The following GNAZ variants were observed in gnomAD, a reference collection of about 807,000 sequenced individuals.
The protein encoded by GNAZ is guanine nucleotide-binding protein G(z) subunit alpha.
In GNAZ, 3 loss-of-function variants were observed where a neutral mutation model predicts 25.4. That is an observed-to-expected ratio of 0.12 (90% CI 0.05 to 0.30). The LOEUF is 0.30. Among genes scored for constraint, GNAZ ranks in the 10% least tolerant of loss-of-function variants. The pLI is 1.00. For missense variants in GNAZ, 241 were observed against 501.8 expected (o/e 0.48, Z 4.97); for synonymous variants, 211 against 205.7 (o/e 1.03, Z -0.22).
chr22:23,100,887 T>A (rs2069283256), intron 2 of GNAZ, among the ~76,000 whole-genome samples: 3 of 152,172 alleles, frequency 2.0e-5, no homozygotes, highest in Admixed American at 2.0e-4. Context: ...CCCAAGGCCG[T>A]CCTGTGAACA....
intron 2 of GNAZ, among the ~76,000 whole-genome samples, chr22:23,109,494 G>T (rs915367037): frequency 1.1e-4 from 16 of 152,184 alleles, no homozygotes; most frequent in Admixed American, 7.2e-4. Flanking sequence ...CCAAGTGAGG[G>T]TCTCAAGACC....
intron 1 of GNAZ, among the ~76,000 whole-genome samples, chr22:23,081,553 G>A (rs2068678365): frequency 6.6e-6 from 1 of 151,512 alleles, no homozygotes; most frequent in Non-Finnish European, 1.5e-5. Context: ...AGGCCAATCA[G>A]GTTCATGCCT....
At chr22:23,078,661 C>G (rs1197222455) in intron 1 of GNAZ, among the ~76,000 whole-genome samples, 1 of 152,258 alleles carries the variant, frequency 6.6e-6, no homozygotes, top group Non-Finnish European at 1.5e-5. Context: ...GCTGCAGCCC[C>G]AGGCTCTGGG....
intron 2 of GNAZ, among the ~76,000 whole-genome samples, chr22:23,098,578 G>A (rs1435964824): frequency 1.3e-5 from 2 of 152,218 alleles, no homozygotes; most frequent in Non-Finnish European, 2.9e-5. Flanking sequence ...CAGCCAGGCT[G>A]GCACACCCAC....
At position 23,071,127 on chromosome 22, in the gene GNAZ, G is replaced by A. The variant is rs769160579; in HGVS notation, c.-450+557G>A. Among the ~76,000 whole-genome samples the A allele has an allele frequency of 5.3e-5, 8 of 152,224 alleles. No individual in the cohort carries two copies. Among genetic ancestry groups the A allele is most frequent in the Non-Finnish European group, 1.2e-4 (8 of 68,026 alleles). On this transcript the variant is annotated intron_variant, in intron 1 of 2. Coordinates refer to ENST00000615612, the MANE Select transcript of GNAZ (RefSeq NM_002073.4). The surrounding 1 kb of genome is among the most constrained non-coding windows in gnomAD (Gnocchi z 4.1). ...TCTTGCAGCGAGCAGGTTCCTCACA[G>A]GCATTTAGAGGAAGAGATGAGTATC...
At chr22:23,082,154 A>G (rs1364001198) in intron 1 of GNAZ, among the ~76,000 whole-genome samples, 1 of 151,068 alleles carries the variant, frequency 6.6e-6, no homozygotes, top group Non-Finnish European at 1.5e-5. Context: ...AAAACACCCC[A>G]GAAATATATG....
intron 2 of GNAZ, among the ~76,000 whole-genome samples, chr22:23,117,869 T>C (rs2069896464): frequency 6.6e-6 from 1 of 151,896 alleles, no homozygotes; most frequent in African/African-American, 2.4e-5. Context: ...GAATCAGGAG[T>C]GAGAGGCCTC....
intron 2 of GNAZ, among the ~76,000 whole-genome samples, chr22:23,119,552 A>G (rs1268189043): frequency 6.6e-6 from 1 of 152,234 alleles, no homozygotes; most frequent in African/African-American, 2.4e-5. Flanking sequence ...ACACTGTCCC[A>G]TGCTGGGCCC....
intron 1 of GNAZ, among the ~76,000 whole-genome samples, chr22:23,072,932 G>T (rs2068415461): frequency 6.6e-6 from 1 of 152,252 alleles, no homozygotes; most frequent in Non-Finnish European, 1.5e-5. Context: ...GGAATTTGCA[G>T]GTAACTGGAT....
Position 23,119,450 on chromosome 22 carries a change from C to G in GNAZ, c.724-3637C>G, listed in dbSNP as rs568829032. ...CCTCCCGCTCTGTCTTGTCCCCCAT[C>G]TCTGAGAGCTGCAGGCCTCTGGTCT... On this transcript the variant is annotated intron_variant, in intron 2 of 2. Transcript: ENST00000615612. Among the ~76,000 whole-genome samples, 4 of 152,368 alleles carry G rather than the reference C, an allele frequency of 2.6e-5. No individual in the cohort carries two copies. The South Asian group carries it at 6.2e-4, about 24-fold the overall frequency.
chr22:23,113,680 C>T (rs897943497), intron 2 of GNAZ, among the ~76,000 whole-genome samples: 2 of 152,246 alleles, frequency 1.3e-5, no homozygotes, highest in African/African-American at 4.8e-5. Context: ...ACTCGGTACA[C>T]CTGCCAGGAC....
chr22:23,072,080 C>T (rs953357578), intron 1 of GNAZ, among the ~76,000 whole-genome samples: 1 of 152,066 alleles, frequency 6.6e-6, no homozygotes, highest in African/African-American at 2.4e-5. Context: ...GAAGAGCTAG[C>T]TTTAAAGACT....
At chr22:23,098,353 A>G (rs2069185059) in intron 2 of GNAZ, among the ~76,000 whole-genome samples, 1 of 152,040 alleles carries the variant, frequency 6.6e-6, no homozygotes, top group Non-Finnish European at 1.5e-5. Context: ...TTACTCCTCC[A>G]TCTAGTGATG....
At chr22:23,091,405 T>C (rs2068970850) in intron 1 of GNAZ, among the ~76,000 whole-genome samples, 1 of 150,450 alleles carries the variant, frequency 6.6e-6, no homozygotes, top group African/African-American at 2.5e-5. Context: ...CAGGCACCTA[T>C]GCATACATGC....
intron 1 of GNAZ, among the ~76,000 whole-genome samples, chr22:23,086,996 T>C (rs534614455): frequency 3.3e-4 from 50 of 152,324 alleles, no homozygotes; most frequent in Admixed American, 1.6e-3. Context: ...GCGGCTCCGA[T>C]AAGTCGGGCG....
At chr22:23,117,498 T>C (rs1397610966) in intron 2 of GNAZ, among the ~76,000 whole-genome samples, 1 of 152,166 alleles carries the variant, frequency 6.6e-6, no homozygotes, top group Non-Finnish European at 1.5e-5. Flanking sequence ...TGCATTTGGG[T>C]AGCCTTCCCT....
chr22:23,117,189 T>C (rs2069866990), intron 2 of GNAZ, among the ~76,000 whole-genome samples: 1 of 151,926 alleles, frequency 6.6e-6, no homozygotes, highest in African/African-American at 2.4e-5. Context: ...TTGGGGCTGT[T>C]CTGTGCCCCA....
intron 1 of GNAZ, among the ~76,000 whole-genome samples, chr22:23,079,184 G>A (rs898815175): frequency 2.0e-5 from 3 of 152,258 alleles, no homozygotes; most frequent in Non-Finnish European, 2.9e-5. Context: ...ATTATACAGT[G>A]TGCTAGAAAG....
At chr22:23,117,441 A>G (rs1482545200) in intron 2 of GNAZ, among the ~76,000 whole-genome samples, 1 of 152,142 alleles carries the variant, frequency 6.6e-6, no homozygotes, top group Non-Finnish European at 1.5e-5. Flanking sequence ...CTGAATCCCC[A>G]TCTGCAGCAT....
Sources: allele counts gnomAD v4.1 joint callset (sites outside exome capture counted in the v4.1 genomes callset), GRCh38; gene constraint gnomAD v4.1.1; non-coding constraint Gnocchi (gnomAD v3.1); transcripts MANE v1.5; gene names NCBI Gene and HGNC (gene_info 2026-07-23, HGNC 2026-07-21).